Variants in OPCML observed in about 807,000 individuals in gnomAD.
The protein encoded by OPCML is opioid-binding protein/cell adhesion molecule.
A neutral mutation model predicts 37.8 loss-of-function variants in OPCML; 13 were observed. That is an observed-to-expected ratio of 0.34 (90% confidence interval 0.22 to 0.55). The LOEUF is 0.55. Among genes scored for constraint, OPCML ranks in the 20% least tolerant of loss-of-function variants. The probability of loss-of-function intolerance (pLI) is 0.91; values close to 1 mark genes in which losing one functional copy is unlikely to be tolerated. For missense variants in OPCML, 341 were observed against 435.6 expected (o/e 0.78, Z 1.93); for synonymous variants, 176 against 168.8 (o/e 1.04, Z -0.33).
chr11:133,191,172 G>A (rs2382621), intron 1 of OPCML, among the ~76,000 whole-genome samples: 24,740 of 151,794 alleles, frequency 0.16, 2,183 homozygotes, highest in African/African-American at 0.23. Context: ...TTATTATGGC[G>A]AATGAGAGTG....
At chr11:132,762,667 C>T (rs931103080) in intron 2 of OPCML, among the ~76,000 whole-genome samples, 8 of 152,164 alleles carry the variant, frequency 5.3e-5, no homozygotes, top group Non-Finnish European at 1.0e-4. Flanking sequence ...CGTCCCCCCA[C>T]CAAGCTCGAG....
intron 2 of OPCML, among the ~76,000 whole-genome samples, chr11:132,747,241 T>A (rs1945663103): frequency 6.6e-6 from 1 of 152,072 alleles, no homozygotes; most frequent in Non-Finnish European, 1.5e-5. Flanking sequence ...GGAATTGAAT[T>A]TGGCCTAGGG....
Position 133,212,441 on chromosome 11 carries a change from T to C in OPCML, c.62-269431A>G, listed in dbSNP as rs1398346103. 1.3e-5 allele frequency among the ~76,000 whole-genome samples: 2 copies of C among 152,164 alleles called. No individual in the cohort carries two copies. Among genetic ancestry groups the C allele is most frequent in the East Asian group, 1.9e-4 (1 of 5,190 alleles). On this transcript the variant is annotated intron_variant, in intron 1 of 7. Transcript: ENST00000524381. This position sits in a 1 kb window ranked among gnomAD's most constrained non-coding sequence, Gnocchi z 4.9. ...GCCCTGCTTCCACTTCCTGGAAAGC[T>C]CTTTCCCCATGCCTGGTCAACCCCT...
At chr11:133,202,090 GATAGAC>G (rs1216027332) in intron 1 of OPCML, among the ~76,000 whole-genome samples, 1 of 152,124 alleles carries the variant, frequency 6.6e-6, no homozygotes, top group African/African-American at 2.4e-5. Flanking sequence ...GCTGTGAAAA[GATAGAC>G]ATAAAGAAAT....
chr11:132,529,038 C>T (rs748857212), intron 4 of OPCML, 23 bp downstream of exon 4: 45 of 1,500,688 alleles, frequency 3.0e-5, no homozygotes, highest in South Asian at 2.4e-4. Context: ...CCTCTGAAAA[C>T]GTCCTCCAGG....
In OPCML at chr11:132,419,311, AC is replaced by A. The variant is rs2095949363; in HGVS notation, c.*881del. 6.6e-6 allele frequency: 1 copy of A among 152,238 alleles called. No homozygotes were observed. The highest frequency in any genetic ancestry group is 2.1e-4 in the South Asian group (1 of 4,832). The allele number at this position is 152,238 out of a possible 1,614,324, so 9.4% of individuals were successfully genotyped here. A position where few individuals can be genotyped will look rare whatever the true frequency, so the allele number is the denominator to read the frequency against. On this transcript the variant is annotated 3_prime_UTR_variant, in exon 8 of 8. Transcript: ENST00000524381. ...AGTAAATAGATTGCTAGAGAGGAAG[AC>A]AGGTGGGTAGATAATTGGATGGTGA...
chr11:133,456,066 T>A (rs1055083090), intron 1 of OPCML, among the ~76,000 whole-genome samples: 2 of 152,194 alleles, frequency 1.3e-5, no homozygotes, highest in African/African-American at 4.8e-5. Context: ...AAACATTGTT[T>A]GTAACTCAGG....
intron 2 of OPCML, among the ~76,000 whole-genome samples, chr11:132,913,724 T>C (rs938119170): frequency 6.6e-6 from 1 of 152,148 alleles, no homozygotes; most frequent in South Asian, 2.1e-4. Flanking sequence ...CATGGCTCCT[T>C]CTGAAATGAC....
At chr11:132,716,963 T>C (rs538882134) in intron 2 of OPCML, among the ~76,000 whole-genome samples, 17 of 152,292 alleles carry the variant, frequency 1.1e-4, no homozygotes, top group Non-Finnish European at 2.1e-4. Context: ...GAAGGATTTA[T>C]AGTCAGTAAG....
chr11:132,902,531 G>T (rs911264587), intron 2 of OPCML, among the ~76,000 whole-genome samples: 5 of 152,128 alleles, frequency 3.3e-5, no homozygotes, highest in African/African-American at 1.2e-4. Flanking sequence ...CATCAGGGAT[G>T]GGGGAGAAGA....
intron 1 of OPCML, among the ~76,000 whole-genome samples, chr11:132,980,752 C>T (rs1946563041): frequency 6.6e-6 from 1 of 152,180 alleles, no homozygotes; most frequent in South Asian, 2.1e-4. Context: ...CCTCAAAGTC[C>T]ATTTGGAACT....
intron 2 of OPCML, among the ~76,000 whole-genome samples, chr11:132,812,982 C>A (rs1176228699): frequency 2.0e-5 from 3 of 152,134 alleles, no homozygotes; most frequent in Admixed American, 2.0e-4. Flanking sequence ...CTAAATGAGA[C>A]CTCCCTGAAA....
intron 7 of OPCML, among the ~76,000 whole-genome samples, chr11:132,428,584 C>T (rs1032208556): frequency 6.6e-6 from 1 of 152,142 alleles, no homozygotes; most frequent in Admixed American, 6.5e-5. Flanking sequence ...GAAGAGGGCA[C>T]AAGCCTGCCT....
chr11:132,557,962 G>T (rs942084781), intron 3 of OPCML, among the ~76,000 whole-genome samples: 1 of 152,012 alleles, frequency 6.6e-6, no homozygotes, highest in South Asian at 2.1e-4. Flanking sequence ...CTATCAGGTG[G>T]AACAAATGAG....
chr11:132,448,953 A>G (rs1174503037), intron 4 of OPCML, among the ~76,000 whole-genome samples: 1 of 152,220 alleles, frequency 6.6e-6, no homozygotes, highest in Non-Finnish European at 1.5e-5. Flanking sequence ...ATCACCTAGC[A>G]ATATGGTCTA....
intron 1 of OPCML, among the ~76,000 whole-genome samples, chr11:133,393,613 C>A (rs1393794716): frequency 1.3e-5 from 2 of 152,178 alleles, no homozygotes; most frequent in African/African-American, 2.4e-5. Context: ...GCACTTGGCA[C>A]CCAGTGGGTG....
chr11:132,972,563 T>C (rs1946368550), intron 1 of OPCML, among the ~76,000 whole-genome samples: 1 of 152,274 alleles, frequency 6.6e-6, no homozygotes, highest in African/African-American at 2.4e-5. Flanking sequence ...TCGTTTGTCA[T>C]GTTAAGCAGC....
intron 2 of OPCML, among the ~76,000 whole-genome samples, chr11:132,862,482 G>A (rs61488529): frequency 0.04 from 5,139 of 127,972 alleles, 175 homozygotes; most frequent in South Asian, 0.2. Flanking sequence ...TCATCTATAC[G>A]AAAAAAAAAA....
At chr11:132,841,508 G>A (rs1330194013) in intron 2 of OPCML, among the ~76,000 whole-genome samples, 1 of 152,102 alleles carries the variant, frequency 6.6e-6, no homozygotes, top group African/African-American at 2.4e-5. Flanking sequence ...CCCGGGCTAG[G>A]GGAGGAAGAA....
Sources: gnomAD v4.1 joint callset for allele counts (sites outside exome capture counted in the v4.1 genomes callset) on GRCh38, gnomAD v4.1.1 for gene constraint, Gnocchi (gnomAD v3.1) non-coding constraint, MANE v1.5 for transcripts, NCBI Gene and HGNC (gene_info 2026-07-23, HGNC 2026-07-21) for gene names.